Variants in TRPC4 observed in about 807,000 individuals in gnomAD.
TRPC4 encodes the protein short transient receptor potential channel 4.
TRPC4 carries 49 observed loss-of-function variants against 99.4 expected under a neutral mutation model. That is an observed-to-expected ratio of 0.49 (90% CI 0.39 to 0.63). TRPC4 has a LOEUF of 0.63. Ranked by LOEUF, TRPC4 falls within the 20% of genes least tolerant of loss-of-function variation. The pLI, the probability that TRPC4 is intolerant of heterozygous loss-of-function variation, is 0.00. For synonymous variants in TRPC4, 454 were observed against 425.9 expected, an observed-to-expected ratio of 1.07 and a Z score of -0.81; for missense variants, 898 against 1,152.9, an observed-to-expected ratio of 0.78 and a Z score of 3.20.
intron 1 of TRPC4, among the ~76,000 whole-genome samples, chr13:37,788,643 C>G (rs1448415048): frequency 6.6e-6 from 1 of 152,052 alleles, no homozygotes; most frequent in East Asian, 1.9e-4. Flanking sequence ...TTTCTTCAGT[C>G]TAAAGCTGAA....
intron 2 of TRPC4, among the ~76,000 whole-genome samples, chr13:37,760,347 C>G (rs886388728): frequency 6.6e-6 from 1 of 151,944 alleles, no homozygotes; most frequent in South Asian, 2.1e-4. Flanking sequence ...TCCAGTTCTG[C>G]CACTCAGAAC....
intron 5 of TRPC4, among the ~76,000 whole-genome samples, chr13:37,667,583 C>T (rs1952689493): frequency 6.6e-6 from 1 of 152,188 alleles, no homozygotes; most frequent in South Asian, 2.1e-4. Context: ...GCTGGGATTA[C>T]AGGCATTAGC....
At position 37,692,185 on chromosome 13, in the gene TRPC4, C is replaced by A. The variant is rs763327427; in HGVS notation, c.1048G>T (p.Ala350Ser). The change falls in exon 4 of 11, where the codon GCT becomes TCT. Residue 350 changes from alanine (A) to serine (S), a missense_variant. This residue lies in a region of TRPC4 where 274 missense variants were observed against 454.9 expected (regional missense o/e 0.60). Coordinates refer to ENST00000379705, the MANE Select transcript of TRPC4 (RefSeq NM_016179.4). ...FPVFSVCYLI[A>S]PKSPLGLFIR... ...AACAGTCCAAGTGGGCTTTTGGGAG[C>A]TATCAGGTAGCACACAGAGAAGACA... 6.2e-7 allele frequency: 1 copy of A among 1,614,022 alleles called. No homozygotes were observed. Among genetic ancestry groups the A allele is most frequent in the South Asian group, 1.1e-5 (1 of 91,070 alleles).
chr13:37,743,031 T>C (rs1246806656), intron 3 of TRPC4, among the ~76,000 whole-genome samples: 1 of 152,148 alleles, frequency 6.6e-6, no homozygotes, highest in Non-Finnish European at 1.5e-5. Flanking sequence ...AACAACTCTG[T>C]AAGAATTTCG....
chr13:37,683,582 C>A (rs1457588287), intron 4 of TRPC4, among the ~76,000 whole-genome samples: 1 of 152,016 alleles, frequency 6.6e-6, no homozygotes, highest in Non-Finnish European at 1.5e-5. Context: ...CAAAGAACAG[C>A]CGTGCACCCC....
At chr13:37,689,119 G>A (rs1026017101) in intron 4 of TRPC4, among the ~76,000 whole-genome samples, 32 of 152,296 alleles carry the variant, frequency 2.1e-4, no homozygotes, top group African/African-American at 7.7e-4. Flanking sequence ...GAAAGGATCA[G>A]TTTTCTCTGC....
At chr13:37,742,420 G>A (rs1230382620) in intron 3 of TRPC4, among the ~76,000 whole-genome samples, 1 of 152,152 alleles carries the variant, frequency 6.6e-6, no homozygotes, top group Non-Finnish European at 1.5e-5. Context: ...TCATTACTGA[G>A]CACCTTCTGT....
chr13:37,797,926 A>G (rs747265479), intron 1 of TRPC4, among the ~76,000 whole-genome samples: 20 of 152,184 alleles, frequency 1.3e-4, no homozygotes, highest in Non-Finnish European at 2.4e-4. Flanking sequence ...AATGACATAA[A>G]GCTGCATTAT....
intron 3 of TRPC4, among the ~76,000 whole-genome samples, chr13:37,727,706 G>A (rs1019884766): frequency 2.0e-5 from 3 of 151,868 alleles, no homozygotes; most frequent in African/African-American, 7.2e-5. Flanking sequence ...ACTAAAATCA[G>A]AAATGAAAAC....
At chr13:37,850,766 G>C (rs976261024) in intron 1 of TRPC4, among the ~76,000 whole-genome samples, 1 of 152,126 alleles carries the variant, frequency 6.6e-6, no homozygotes, top group Admixed American at 6.5e-5. Flanking sequence ...TCTTAAAGAA[G>C]AGTTGCAGAG....
At chr13:37,685,230 G>A (rs1179730613) in intron 4 of TRPC4, among the ~76,000 whole-genome samples, 2 of 152,068 alleles carry the variant, frequency 1.3e-5, no homozygotes, top group African/African-American at 2.4e-5. Flanking sequence ...TCTTAAGTAC[G>A]GACACACGTT....
At chr13:37,844,681 C>A (rs1048490184) in intron 1 of TRPC4, among the ~76,000 whole-genome samples, 4 of 152,012 alleles carry the variant, frequency 2.6e-5, no homozygotes, top group Non-Finnish European at 5.9e-5. Context: ...AGGTGAGAGG[C>A]AAATGCAGGT....
chr13:37,815,701 A>G (rs1401231734), intron 1 of TRPC4, among the ~76,000 whole-genome samples: 1 of 151,980 alleles, frequency 6.6e-6, no homozygotes, highest in Non-Finnish European at 1.5e-5. Flanking sequence ...AGTATTAGAC[A>G]GGTCATTGAG....
Position 37,823,678 on chromosome 13 carries a change from T to C in TRPC4, c.-27-40318A>G, listed in dbSNP as rs935178336. ...CATGCTGTTTTGGTTACTGTAGCCT[T>C]GTAGTATAGTTTGAAGTCAGGTAGT... is the stretch of plus-strand genomic sequence containing the variant. On this transcript the variant is annotated intron_variant, in intron 1 of 10. Coordinates refer to ENST00000379705, the MANE Select transcript of TRPC4 (RefSeq NM_016179.4). Among the ~76,000 whole-genome samples, 8 of 149,576 alleles carry C rather than the reference T, an allele frequency of 5.3e-5. No homozygotes were observed. The South Asian group carries it at 8.5e-4, about 16-fold the overall frequency.
chr13:37,841,108 C>T (rs998176402), intron 1 of TRPC4, among the ~76,000 whole-genome samples: 4 of 151,990 alleles, frequency 2.6e-5, no homozygotes, highest in African/African-American at 7.2e-5. Flanking sequence ...TGAAATTGTG[C>T]TTGTTTATAA....
At chr13:37,750,839 CT>C (rs1278361768) in intron 2 of TRPC4, among the ~76,000 whole-genome samples, 1 of 151,974 alleles carries the variant, frequency 6.6e-6, no homozygotes, top group African/African-American at 2.4e-5. Context: ...TGATGTACCC[CT>C]CCCTGTGTCC....
intron 8 of TRPC4, among the ~76,000 whole-genome samples, chr13:37,647,667 G>A (rs141771951): frequency 2.0e-5 from 3 of 152,170 alleles, no homozygotes; most frequent in Non-Finnish European, 4.4e-5. Flanking sequence ...TGAGCTAAAT[G>A]ATATCTAAGA....
intron 1 of TRPC4, among the ~76,000 whole-genome samples, chr13:37,805,695 A>T (rs902945939): frequency 7.9e-5 from 12 of 151,984 alleles, no homozygotes; most frequent in Non-Finnish European, 1.5e-4. Context: ...ATACACCCAT[A>T]ATTATAAAAC....
At chr13:37,761,287 T>C (rs1337357628) in intron 2 of TRPC4, among the ~76,000 whole-genome samples, 5 of 151,912 alleles carry the variant, frequency 3.3e-5, no homozygotes. Flanking sequence ...TTACCCTTTT[T>C]ATACAAAAGA....
Sources: allele counts gnomAD v4.1 joint callset (sites outside exome capture counted in the v4.1 genomes callset), GRCh38; gene constraint gnomAD v4.1.1; regional missense constraint gnomAD v4.1.1; transcripts MANE v1.5; gene names NCBI Gene and HGNC (gene_info 2026-07-23, HGNC 2026-07-21).